MYO9A: variants seen among roughly 807,000 people sequenced by gnomAD.
MYO9A encodes unconventional myosin-IXa.
In MYO9A, 103 loss-of-function variants were observed where a neutral mutation model predicts 293.3. The observed-to-expected ratio is 0.35, with a 90% CI of 0.30 to 0.41. MYO9A has a LOEUF of 0.41. Ranked by LOEUF, MYO9A falls within the 10% of genes least tolerant of loss-of-function variation. MYO9A has a pLI of 1.00. For missense variants in MYO9A, 2,685 were observed against 3,033.0 expected, an observed-to-expected ratio of 0.89 and a Z score of 2.69; for synonymous variants, 1,001 against 1,035.7, an observed-to-expected ratio of 0.97 and a Z score of 0.64.
chr15:71,927,408 G>A (rs2058340622), intron 18 of MYO9A, among the ~76,000 whole-genome samples: 1 of 152,080 alleles, frequency 6.6e-6, no homozygotes, highest in African/African-American at 2.4e-5. Flanking sequence ...TGTTTTGGGG[G>A]TCATAGTCAA....
intron 1 of MYO9A, among the ~76,000 whole-genome samples, chr15:72,068,451 C>A (rs1205539317): frequency 1.3e-5 from 2 of 151,380 alleles, no homozygotes; most frequent in African/African-American, 4.8e-5. Flanking sequence ...ACTACAACTA[C>A]TATGTTGATG....
intron 39 of MYO9A, among the ~76,000 whole-genome samples, chr15:71,842,165 G>C (rs978557699): frequency 6.6e-6 from 1 of 151,804 alleles, no homozygotes; most frequent in African/African-American, 2.4e-5. Context: ...CTGAGGTCAG[G>C]AGTTCAATAC....
At chr15:72,024,106 A>G (rs2149273331) in intron 4 of MYO9A, among the ~76,000 whole-genome samples, 1 of 152,338 alleles carries the variant, frequency 6.6e-6, no homozygotes, top group East Asian at 1.9e-4. Context: ...GAATACTGCC[A>G]GATAAACAAA....
At chr15:72,051,866 C>T (rs775603737) in intron 1 of MYO9A, among the ~76,000 whole-genome samples, 3 of 152,142 alleles carry the variant, frequency 2.0e-5, no homozygotes, top group Non-Finnish European at 2.9e-5. Context: ...GGCTCCTGGG[C>T]AAAAGGAGGC....
chr15:72,007,404 AAG>A, intron 8 of MYO9A, among the ~76,000 whole-genome samples: 1 of 152,068 alleles, frequency 6.6e-6, no homozygotes, highest in South Asian at 2.1e-4. Flanking sequence ...AAAAAAAAAA[AAG>A]TAGTATCCTT....
intron 32 of MYO9A, among the ~76,000 whole-genome samples, chr15:71,873,261 C>A (rs1418622111): frequency 6.6e-6 from 1 of 152,076 alleles, no homozygotes; most frequent in Non-Finnish European, 1.5e-5. Flanking sequence ...TGGTGAATGT[C>A]CCCTTTTCCT....
At chr15:71,912,571 T>A (rs910959381) in intron 19 of MYO9A, among the ~76,000 whole-genome samples, 16 of 152,192 alleles carry the variant, frequency 1.1e-4, no homozygotes, top group African/African-American at 3.6e-4. Context: ...AACATATTTT[T>A]AAAATATTAG....
chr15:71,867,584 C>T (rs1043496896), intron 32 of MYO9A, among the ~76,000 whole-genome samples: 6 of 145,730 alleles, frequency 4.1e-5, no homozygotes, highest in Admixed American at 6.9e-5. Flanking sequence ...CGAACAAAAA[C>T]AGACTGCAGT....
At chr15:72,103,093 G>T (rs1412761548) in intron 1 of MYO9A, among the ~76,000 whole-genome samples, 6 of 147,262 alleles carry the variant, frequency 4.1e-5, no homozygotes, top group African/African-American at 1.5e-4. Flanking sequence ...GATTCTCCTC[G>T]GCTGAGGAAG....
chr15:72,014,637 T>C (rs927903222), intron 6 of MYO9A, among the ~76,000 whole-genome samples: 1 of 151,108 alleles, frequency 6.6e-6, no homozygotes, highest in Non-Finnish European at 1.5e-5. Flanking sequence ...AGTGAGCTGA[T>C]ATGGTGCCAC....
chr15:72,095,961 G>A (rs1241409816), intron 1 of MYO9A, among the ~76,000 whole-genome samples: 1 of 151,752 alleles, frequency 6.6e-6, no homozygotes, highest in Non-Finnish European at 1.5e-5. Flanking sequence ...GAGGTCAAGA[G>A]TTTGAGACCA....
rs1184748115 is a variant in MYO9A, at chr15:71,824,612, A to G, written c.*1968T>C. On this transcript the variant is annotated 3_prime_UTR_variant, in exon 42 of 42. Coordinates refer to ENST00000356056, the MANE Select transcript of MYO9A (RefSeq NM_006901.4). ...ACACCATGCTGAGGGGTTTTCCTCT[A>G]TCCTCTAGGAGATTCTCTGAAATTC... is the stretch of plus-strand genomic sequence containing the variant. 6.6e-6 allele frequency: 1 copy of G among 152,230 alleles called. No homozygotes were observed. The highest frequency in any genetic ancestry group is 2.4e-5 in the African/African-American group (1 of 41,466). 9.4% of individuals were successfully genotyped at this position (152,230 alleles called of 1,614,324 possible). A position where few individuals can be genotyped will look rare whatever the true frequency, so the allele number is the denominator to read the frequency against.
intron 19 of MYO9A, among the ~76,000 whole-genome samples, chr15:71,914,963 C>A (rs1044114377): frequency 6.6e-6 from 1 of 152,114 alleles, no homozygotes; most frequent in African/African-American, 2.4e-5. Context: ...AATAATTCTA[C>A]CTTTCATAAT....
intron 2 of MYO9A, among the ~76,000 whole-genome samples, chr15:72,035,007 G>A (rs1001673090): frequency 6.6e-6 from 1 of 152,146 alleles, no homozygotes; most frequent in Non-Finnish European, 1.5e-5. Flanking sequence ...GCATGAGAAA[G>A]CATGTTCAAC....
At chr15:71,998,565 C>CTTTTTT (rs11443228) in intron 9 of MYO9A, among the ~76,000 whole-genome samples, 9 of 140,060 alleles carry the variant, frequency 6.4e-5, no homozygotes, top group Non-Finnish European at 1.4e-4. Context: ...TTTTTTTTGT[C>CTTTTTT]TTTTTTTTTC....
chr15:71,871,336 C>T (rs1327702516), intron 32 of MYO9A, among the ~76,000 whole-genome samples: 1 of 152,100 alleles, frequency 6.6e-6, no homozygotes, highest in East Asian at 1.9e-4. Flanking sequence ...CATTACGCCA[C>T]TGCACTTCAG....
intron 18 of MYO9A, among the ~76,000 whole-genome samples, chr15:71,925,656 G>A (rs533202044): frequency 2.0e-5 from 3 of 151,834 alleles, no homozygotes; most frequent in Non-Finnish European, 4.4e-5. Context: ...ATACAAATAC[G>A]CTAGACTTTT....
At chr15:71,903,093 T>C (rs769640795) in intron 21 of MYO9A, 30 bp from the exon 22 acceptor site, 1 of 1,551,494 alleles carries the variant, frequency 6.4e-7, no homozygotes, top group Admixed American at 1.8e-5. Flanking sequence ...TATTGTAAAA[T>C]CAGAAAACAG....
chr15:71,892,999 C>G, intron 26 of MYO9A: 1 of 1,287,064 alleles, frequency 7.8e-7, no homozygotes, highest in Non-Finnish European at 1.0e-6. Context: ...CTGACCCAGG[C>G]TGGGTGCAGG....
Sources: gnomAD v4.1 joint callset for allele counts (sites outside exome capture counted in the v4.1 genomes callset) on GRCh38, gnomAD v4.1.1 for gene constraint, MANE v1.5 for transcripts, NCBI Gene and HGNC (gene_info 2026-07-23, HGNC 2026-07-21) for gene names.